Variants in PDSS2 observed in about 807,000 individuals in gnomAD.
PDSS2 encodes the protein all trans-polyprenyl-diphosphate synthase PDSS2.
A neutral mutation model predicts 44.5 loss-of-function variants in PDSS2; 31 were observed. The observed-to-expected ratio is 0.70, with a 90% CI of 0.52 to 0.94. PDSS2 has a LOEUF of 0.94. Among genes scored for constraint, PDSS2 ranks in the 40% least tolerant of loss-of-function variants. PDSS2 has a pLI of 0.00. For synonymous variants in PDSS2, 157 were observed against 180.3 expected (o/e 0.87, Z 1.03); for missense variants, 452 against 482.2 (o/e 0.94, Z 0.59).
At chr6:107,445,070 G>A (rs373736081) in intron 1 of PDSS2, among the ~76,000 whole-genome samples, 3 of 152,044 alleles carry the variant, frequency 2.0e-5, no homozygotes, top group African/African-American at 2.4e-5. Context: ...AACCAATTCT[G>A]TATTGGAAAA....
intron 1 of PDSS2, among the ~76,000 whole-genome samples, chr6:107,455,754 CAAAAAAAAAAAAAAAAAAAA>C (rs60783838): frequency 1.8e-5 from 1 of 55,678 alleles, no homozygotes; most frequent in Non-Finnish European, 2.9e-5. Context: ...GACTCTGTCT[CAAAAAAAAAAAAAAAAAAAA>C]AAAAAAAAAC....
intron 1 of PDSS2, among the ~76,000 whole-genome samples, chr6:107,455,372 A>G (rs1417485487): frequency 6.6e-6 from 1 of 151,684 alleles, no homozygotes; most frequent in Non-Finnish European, 1.5e-5. Flanking sequence ...ATGATGGACT[A>G]CAATACTCAT....
intron 3 of PDSS2, among the ~76,000 whole-genome samples, chr6:107,256,751 G>A (rs548058092): frequency 7.2e-5 from 11 of 151,976 alleles, no homozygotes; most frequent in Non-Finnish European, 8.8e-5. Flanking sequence ...TTTGGGGGCC[G>A]GGCACAGTGA....
intron 1 of PDSS2, among the ~76,000 whole-genome samples, chr6:107,442,371 C>T (rs1473145790): frequency 6.6e-6 from 1 of 152,140 alleles, no homozygotes; most frequent in Non-Finnish European, 1.5e-5. Flanking sequence ...GAGCTGAGAT[C>T]ACACCACTGC....
chr6:107,438,270 A>G (rs1781414674), intron 1 of PDSS2, among the ~76,000 whole-genome samples: 1 of 152,094 alleles, frequency 6.6e-6, no homozygotes, highest in African/African-American at 2.4e-5. Context: ...GTGCAATGGC[A>G]TGATCTCAGT....
intron 3 of PDSS2, among the ~76,000 whole-genome samples, chr6:107,264,811 G>A (rs1036494023): frequency 2.6e-5 from 4 of 152,134 alleles, no homozygotes; most frequent in Admixed American, 6.6e-5. Context: ...TAAAATTTTA[G>A]ATTCTGGCAT....
intron 1 of PDSS2, among the ~76,000 whole-genome samples, chr6:107,450,627 GA>G (rs1448828864): frequency 6.6e-6 from 1 of 152,142 alleles, no homozygotes. Context: ...ATTAATACAA[GA>G]AACTTAACTG....
intron 2 of PDSS2, among the ~76,000 whole-genome samples, chr6:107,305,679 C>A (rs1776835987): frequency 6.6e-6 from 1 of 152,126 alleles, no homozygotes; most frequent in African/African-American, 2.4e-5. Context: ...CCTAATTACA[C>A]CAATTATTTA....
chr6:107,304,593 G>A, intron 2 of PDSS2, among the ~76,000 whole-genome samples: 1 of 152,194 alleles, frequency 6.6e-6, no homozygotes, highest in East Asian at 1.9e-4. Flanking sequence ...CGTTTCATCT[G>A]TAAAATGGTG....
chr6:107,251,152 C>G (rs1774804797), intron 3 of PDSS2, among the ~76,000 whole-genome samples: 1 of 152,144 alleles, frequency 6.6e-6, no homozygotes, highest in Admixed American at 6.6e-5. Context: ...CCGCACCCGG[C>G]CACAAGGAAA....
intron 2 of PDSS2, among the ~76,000 whole-genome samples, chr6:107,300,390 A>C (rs1370970775): frequency 1.4e-5 from 2 of 140,798 alleles, no homozygotes; most frequent in South Asian, 2.7e-4. Flanking sequence ...CTCCAACAGC[A>C]CTTGGGTTTT....
intron 1 of PDSS2, among the ~76,000 whole-genome samples, chr6:107,397,031 G>A (rs886445269): frequency 1.3e-5 from 2 of 151,972 alleles, no homozygotes; most frequent in African/African-American, 4.8e-5. Flanking sequence ...AACTGAGCTA[G>A]GATGAGATTG....
intron 2 of PDSS2, among the ~76,000 whole-genome samples, chr6:107,328,634 A>T (rs1364814606): frequency 6.6e-6 from 1 of 152,158 alleles, no homozygotes; most frequent in Non-Finnish European, 1.5e-5. Context: ...AGGCATGCTG[A>T]TACAGAGAAA....
At chr6:107,409,742 G>A (rs1436956717) in intron 1 of PDSS2, among the ~76,000 whole-genome samples, 11 of 152,158 alleles carry the variant, frequency 7.2e-5, no homozygotes, top group Non-Finnish European at 1.5e-4. Context: ...TACGAAATAG[G>A]TACTTCTATC....
At chr6:107,294,175 A>T (rs1776434399) in intron 2 of PDSS2, among the ~76,000 whole-genome samples, 1 of 152,174 alleles carries the variant, frequency 6.6e-6, no homozygotes, top group South Asian at 2.1e-4. Flanking sequence ...AATGTGTCTG[A>T]GGCTGGGAAA....
chr6:107,421,989 T>C (rs1426801200), intron 1 of PDSS2, among the ~76,000 whole-genome samples: 1 of 151,458 alleles, frequency 6.6e-6, no homozygotes, highest in Non-Finnish European at 1.5e-5. Flanking sequence ...AAAGGACCTC[T>C]CTGTACAATT....
chr6:107,383,356 A>G (rs1480290429), intron 1 of PDSS2, among the ~76,000 whole-genome samples: 1 of 151,488 alleles, frequency 6.6e-6, no homozygotes, highest in Non-Finnish European at 1.5e-5. Flanking sequence ...AGATCTAAAT[A>G]TAAGAAGGAA....
chr6:107,318,038 G>T (rs779732677), intron 2 of PDSS2, among the ~76,000 whole-genome samples: 12 of 152,142 alleles, frequency 7.9e-5, no homozygotes, highest in Non-Finnish European at 1.6e-4. Context: ...TTATCTTGTG[G>T]TCATCAGAAG....
Position 107,162,610 on chromosome 6 carries a change from A to ATTTTTTTTTTTTTTT in PDSS2, c.1042-7848_1042-7834dup, listed in dbSNP as rs71012782. ...TTTTTATTTTGTCAAGAATTCCCTA[A>ATTTTTTTTTTTTTTT]TTTTTTTTTTTTTTTGAGATGGAGT... On this transcript the variant is annotated intron_variant, in intron 7 of 7. Transcript: ENST00000369037. 8.6e-4 allele frequency among the ~76,000 whole-genome samples: 99 copies of ATTTTTTTTTTTTTTT among 115,546 alleles called. 8 individuals are homozygous for ATTTTTTTTTTTTTTT. Among genetic ancestry groups the ATTTTTTTTTTTTTTT allele is most frequent in the African/African-American group, 2.0e-3 (58 of 28,662 alleles). 75.8% of individuals were successfully genotyped at this position (115,546 alleles called of 152,430 possible).
Sources: gnomAD v4.1 joint callset for allele counts (sites outside exome capture counted in the v4.1 genomes callset) on GRCh38, gnomAD v4.1.1 for gene constraint, MANE v1.5 for transcripts, NCBI Gene and HGNC (gene_info 2026-07-23, HGNC 2026-07-21) for gene names.